The following HADHB variants were observed in gnomAD, a reference collection of about 807,000 sequenced individuals.
HADHB encodes the protein trifunctional enzyme subunit beta, mitochondrial.
In HADHB, 50 loss-of-function variants were observed where a neutral mutation model predicts 61.9. That is an observed-to-expected ratio of 0.81 (90% confidence interval 0.64 to 1.02). The LOEUF (loss-of-function observed/expected upper bound fraction) is 1.02, where lower values mean the gene tolerates loss of function less well. HADHB is among the 50% of genes least tolerant of loss of function. The probability of loss-of-function intolerance (pLI) is 0.00; values close to 1 mark genes in which losing one functional copy is unlikely to be tolerated. For synonymous variants in HADHB, 191 were observed against 201.6 expected (o/e 0.95, Z 0.45); for missense variants, 504 against 586.5 (o/e 0.86, Z 1.45).
Position 26,279,190 on chromosome 2 carries a change from G to C in HADHB, c.686G>C (p.Arg229Pro). The change falls in exon 9 of 16, where the codon CGA becomes CCA. Residue 229 changes from arginine (R) to proline (P), a missense_variant. Physicochemically the swap from Arg to Pro is moderately radical, Grantham distance 103. Transcript: ENST00000317799. ...TSETMGHSADRLAAAFAVSRL... is the reference protein window; with the variant it reads ...TSETMGHSADPLAAAFAVSRL... ...GAGACCATGGGCCACTCTGCAGACC[G>C]ACTGGCCGCTGCCTTTGCTGTTTCT... is the stretch of plus-strand genomic sequence containing the variant. 1 of 1,613,862 alleles carries C rather than the reference G, an allele frequency of 6.2e-7. No individual in the cohort carries two copies. The highest frequency in any genetic ancestry group is 1.1e-5 in the South Asian group (1 of 91,056).
intron 8 of HADHB, 50 bp from the exon 9 acceptor site, chr2:26,279,085 C>G: frequency 7.2e-7 from 1 of 1,380,520 alleles, no homozygotes; most frequent in South Asian, 1.2e-5. Flanking sequence ...TAGGTGTTAG[C>G]ATAACACCGG....
chr2:26,266,109 T>C (rs1453197996), intron 4 of HADHB, among the ~76,000 whole-genome samples: 1 of 147,374 alleles, frequency 6.8e-6, no homozygotes, highest in Admixed American at 6.7e-5. Flanking sequence ...AAAAAAAAGG[T>C]GTTTTAATTA....
intron 15 of HADHB, among the ~76,000 whole-genome samples, chr2:26,286,924 C>T (rs371848738): frequency 2.0e-5 from 3 of 151,104 alleles, no homozygotes; most frequent in South Asian, 4.2e-4. Flanking sequence ...CATAAACTGG[C>T]CGGGTGCAGT....
chr2:26,283,770 C>T (rs1026124740), intron 12 of HADHB, among the ~76,000 whole-genome samples: 1 of 152,204 alleles, frequency 6.6e-6, no homozygotes, highest in East Asian at 1.9e-4. Context: ...TCCGTTCCCT[C>T]ACAAGGCTGT....
At chr2:26,252,601 A>G (rs1190396266) in intron 1 of HADHB, among the ~76,000 whole-genome samples, 2 of 152,142 alleles carry the variant, frequency 1.3e-5, no homozygotes, top group African/African-American at 2.4e-5. Flanking sequence ...CTGTACAGCT[A>G]TTTTGCACCT....
chr2:26,282,319 A>G (rs1309665457), intron 10 of HADHB, among the ~76,000 whole-genome samples: 2 of 142,152 alleles, frequency 1.4e-5, no homozygotes, highest in Non-Finnish European at 3.0e-5. Context: ...CAGTGGCACG[A>G]TCTCAGCTCA....
At chr2:26,287,097 A>G (rs942172259) in intron 15 of HADHB, among the ~76,000 whole-genome samples, 5 of 151,874 alleles carry the variant, frequency 3.3e-5, no homozygotes, top group African/African-American at 1.2e-4. Context: ...CCAGCTACTC[A>G]GGAGGCTGAG....
intron 4 of HADHB, among the ~76,000 whole-genome samples, chr2:26,269,590 T>C (rs1672254668): frequency 6.6e-6 from 1 of 152,170 alleles, no homozygotes; most frequent in Non-Finnish European, 1.5e-5. Flanking sequence ...CCTGTAGGCA[T>C]TACAAAATAA....
At chr2:26,266,871 C>CAAGAAAAAAAAAA (rs1672104988) in intron 4 of HADHB, among the ~76,000 whole-genome samples, 1 of 45,426 alleles carries the variant, frequency 2.2e-5, no homozygotes, top group Non-Finnish European at 3.8e-5. Flanking sequence ...CACTCTCTCT[C>CAAGAAAAAAAAAA]AAAAAAAAAA....
chr2:26,266,278 T>TA (rs1003330892), intron 4 of HADHB, among the ~76,000 whole-genome samples: 3 of 150,834 alleles, frequency 2.0e-5, no homozygotes, highest in Admixed American at 1.3e-4. Context: ...CCTTGTCTCT[T>TA]AAAAAAAAAT....
At chr2:26,250,771 T>C (rs2147797117) in intron 1 of HADHB, among the ~76,000 whole-genome samples, 1 of 151,924 alleles carries the variant, frequency 6.6e-6, no homozygotes, top group African/African-American at 2.4e-5. Context: ...CAGTGACCTA[T>C]GATCATACCA....
intron 6 of HADHB, among the ~76,000 whole-genome samples, chr2:26,276,012 G>T (rs530173816): frequency 1.3e-5 from 2 of 152,306 alleles, no homozygotes; most frequent in East Asian, 3.9e-4. Flanking sequence ...GGGTGTGTAT[G>T]TGGGAGGAAA....
intron 4 of HADHB, among the ~76,000 whole-genome samples, chr2:26,264,588 A>G (rs1003199647): frequency 6.7e-6 from 1 of 149,474 alleles, no homozygotes; most frequent in Non-Finnish European, 1.5e-5. Context: ...GGTGCACAGT[A>G]TTGTGTATAG....
Position 26,282,886 on chromosome 2 carries a change from G to A in HADHB, c.975G>A (p.Lys325=). ...ASAMLIMAEE[K]ALAMGYKPKA... is the part of the protein sequence containing the mutation. Reference sequence around the variant, plus strand: ...CAATGTTAATCATGGCGGAGGAAAAGGCTCTGGCCATGGGTTATAAGCCGA... The same window carrying A: ...CAATGTTAATCATGGCGGAGGAAAAAGCTCTGGCCATGGGTTATAAGCCGA... Residue 325 remains lysine, a synonymous_variant, in exon 11 of 16, where the codon AAG becomes AAA. Coordinates refer to ENST00000317799, the MANE Select transcript of HADHB (RefSeq NM_000183.3). 2.5e-6 allele frequency: 4 copies of A among 1,613,236 alleles called. No individual in the cohort carries two copies. The highest frequency in any genetic ancestry group is 3.4e-6 in the Non-Finnish European group (4 of 1,179,310).
intron 4 of HADHB, among the ~76,000 whole-genome samples, chr2:26,264,980 ACC>A (rs1672016410): frequency 6.7e-6 from 1 of 149,874 alleles, no homozygotes; most frequent in African/African-American, 2.5e-5. Context: ...ACACAGCGAG[ACC>A]CTGTTTCAAA....
At chr2:26,285,609 C>A in intron 15 of HADHB, 38 bp downstream of exon 15, 9 of 1,460,566 alleles carry the variant, frequency 6.2e-6, no homozygotes, top group Admixed American at 1.8e-5. Context: ...TCCAGAGAGT[C>A]ATTTTCTTGG....
chr2:26,278,883 G>A, intron 8 of HADHB, 82 bp downstream of exon 8: 1 of 1,177,740 alleles, frequency 8.5e-7, no homozygotes, highest in Non-Finnish European at 1.3e-6. Context: ...TGCTGTAATA[G>A]GTGTAGATTC....
intron 15 of HADHB, among the ~76,000 whole-genome samples, chr2:26,287,872 C>T (rs1673101751): frequency 6.6e-6 from 1 of 152,180 alleles, no homozygotes; most frequent in Non-Finnish European, 1.5e-5. Flanking sequence ...ACCTCTGCCC[C>T]AGGTACACAC....
chr2:26,284,874 C>T lies in HADHB; in HGVS notation c.1150-9C>T, dbSNP rs1391148170. 1.4e-6 allele frequency: 2 copies of T among 1,450,108 alleles called. No homozygotes were observed. Among genetic ancestry groups the T allele is most frequent in the Admixed American group, 1.7e-5 (1 of 59,796 alleles). 89.8% of individuals were successfully genotyped at this position (1,450,108 alleles called of 1,614,324 possible). On this transcript the variant is annotated splice_polypyrimidine_tract_variant and intron_variant, in intron 13 of 15. Transcript: ENST00000317799. ...AACGAGGTTCTTATTCGATTATTTT[C>T]TCTTCCAGGGTCAGATTTTGGCAAA...
Sources: gnomAD v4.1 joint callset for allele counts (sites outside exome capture counted in the v4.1 genomes callset) on GRCh38, gnomAD v4.1.1 for gene constraint, MANE v1.5 for transcripts, NCBI Gene and HGNC (gene_info 2026-07-23, HGNC 2026-07-21) for gene names.